Variants in OXCT1 observed in about 807,000 individuals in gnomAD.
OXCT1 encodes the protein 3-oxoacid CoA-transferase 1, also known as succinyl-CoA:3-ketoacid coenzyme A transferase 1, mitochondrial.
In OXCT1, 27 loss-of-function variants were observed where a neutral mutation model predicts 69.6. The observed-to-expected ratio is 0.39, with a 90% CI of 0.29 to 0.54. OXCT1 has a LOEUF of 0.54. Ranked by LOEUF, OXCT1 falls within the 20% of genes least tolerant of loss-of-function variation. The probability of loss-of-function intolerance (pLI) is 0.72; values close to 1 mark genes in which losing one functional copy is unlikely to be tolerated. For synonymous variants in OXCT1, 202 were observed against 217.8 expected, an observed-to-expected ratio of 0.93 and a Z score of 0.64; for missense variants, 437 against 650.2, an observed-to-expected ratio of 0.67 and a Z score of 3.57.
intron 7 of OXCT1, among the ~76,000 whole-genome samples, chr5:41,835,549 T>A (rs1748314322): frequency 6.6e-6 from 1 of 152,228 alleles, no homozygotes; most frequent in Non-Finnish European, 1.5e-5. Context: ...CAGGCTACAA[T>A]AAATATTTGT....
intron 13 of OXCT1, among the ~76,000 whole-genome samples, chr5:41,791,629 A>G (rs1745920448): frequency 6.6e-6 from 1 of 152,168 alleles, no homozygotes; most frequent in African/African-American, 2.4e-5. Context: ...CCCCGAAGGG[A>G]AGAAGATATT....
intron 6 of OXCT1, among the ~76,000 whole-genome samples, chr5:41,842,236 C>T (rs1748659656): frequency 6.6e-6 from 1 of 152,088 alleles, no homozygotes; most frequent in South Asian, 2.1e-4. Context: ...CTAGAAGACA[C>T]CAAAAGGACT....
At chr5:41,820,265 C>A (rs72746957) in intron 7 of OXCT1, among the ~76,000 whole-genome samples, 27,921 of 152,118 alleles carry the variant, frequency 0.18, 2,764 homozygotes, top group Middle Eastern at 0.28. Flanking sequence ...TAAAGTATAA[C>A]ATCCATGTTG....
intron 7 of OXCT1, among the ~76,000 whole-genome samples, chr5:41,826,094 C>T (rs1273209706): frequency 6.6e-6 from 1 of 152,162 alleles, no homozygotes; most frequent in Non-Finnish European, 1.5e-5. Flanking sequence ...GAACCTTGCT[C>T]TCGTGAAGGT....
At chr5:41,846,224 G>A (rs1748898051) in intron 5 of OXCT1, among the ~76,000 whole-genome samples, 1 of 150,210 alleles carries the variant, frequency 6.7e-6, no homozygotes, top group African/African-American at 2.5e-5. Context: ...CTGGTGTGCT[G>A]CACCCACTAA....
chr5:41,733,339 T>A (rs186844759), intron 16 of OXCT1, among the ~76,000 whole-genome samples: 34 of 151,520 alleles, frequency 2.2e-4, no homozygotes, highest in African/African-American at 8.2e-4. Context: ...CTCCGCCTCC[T>A]GGGTTCAAGC....
intron 15 of OXCT1, among the ~76,000 whole-genome samples, chr5:41,747,463 A>G (rs1284528650): frequency 2.0e-5 from 3 of 152,130 alleles, no homozygotes; most frequent in African/African-American, 7.2e-5. Context: ...TAGATAAACA[A>G]TGGTGAGCCA....
At chr5:41,756,548 A>G (rs1396890418) in intron 14 of OXCT1, among the ~76,000 whole-genome samples, 1 of 152,144 alleles carries the variant, frequency 6.6e-6, no homozygotes, top group Non-Finnish European at 1.5e-5. Context: ...GCATGTAACA[A>G]CTTGGAAAAG....
chr5:41,861,261 T>G, intron 3 of OXCT1, 53 bp downstream of exon 3: 1 of 1,080,924 alleles, frequency 9.3e-7, no homozygotes, highest in Non-Finnish European at 1.4e-6. Context: ...TCTGTTTAAA[T>G]ATTAAGAATT....
At chr5:41,752,205 T>G (rs938589182) in intron 14 of OXCT1, among the ~76,000 whole-genome samples, 1 of 152,150 alleles carries the variant, frequency 6.6e-6, no homozygotes, top group Non-Finnish European at 1.5e-5. Flanking sequence ...GTCTTAGTTC[T>G]GCCATACAAT....
intron 4 of OXCT1, among the ~76,000 whole-genome samples, chr5:41,852,516 G>A (rs946385775): frequency 1.3e-5 from 2 of 152,226 alleles, no homozygotes; most frequent in Non-Finnish European, 2.9e-5. Flanking sequence ...AGAGCAAACT[G>A]TAGACCCTCA....
chr5:41,736,116 C>T (rs1197725675), intron 16 of OXCT1, among the ~76,000 whole-genome samples: 2 of 152,326 alleles, frequency 1.3e-5, no homozygotes, highest in African/African-American at 4.8e-5. Flanking sequence ...ATTCAGCACT[C>T]AATCCCCAAG....
At chr5:41,860,439 G>A (rs930601052) in intron 3 of OXCT1, among the ~76,000 whole-genome samples, 10 of 152,134 alleles carry the variant, frequency 6.6e-5, no homozygotes, top group African/African-American at 2.4e-4. Context: ...AGGATACTTT[G>A]AGGATATACA....
intron 13 of OXCT1, among the ~76,000 whole-genome samples, chr5:41,770,066 C>A (rs552200127): frequency 6.6e-6 from 1 of 152,354 alleles, no homozygotes; most frequent in East Asian, 1.9e-4. Flanking sequence ...AGCCCTTGCT[C>A]ATTAGACTAT....
chr5:41,782,114 C>CTTT (rs71608624), intron 13 of OXCT1, among the ~76,000 whole-genome samples: 13 of 137,132 alleles, frequency 9.5e-5, no homozygotes, highest in African/African-American at 1.4e-4. Flanking sequence ...TTGCCAGCAT[C>CTTT]TTTTTTTTTT....
intron 14 of OXCT1, among the ~76,000 whole-genome samples, chr5:41,750,090 T>C (rs1015360448): frequency 6.7e-6 from 1 of 149,990 alleles, no homozygotes; most frequent in Admixed American, 6.6e-5. Context: ...CCTTCCCCAC[T>C]CTTAGACTTG....
intron 1 of OXCT1, among the ~76,000 whole-genome samples, chr5:41,866,140 G>A (rs573246998): frequency 6.6e-6 from 1 of 150,626 alleles, no homozygotes; most frequent in South Asian, 2.1e-4. Flanking sequence ...GGGGTTGTTA[G>A]CTTCCTTTGG....
chr5:41,757,736 G>A lies in OXCT1; in HGVS notation c.1338+4375C>T, dbSNP rs143975891. Among the ~76,000 whole-genome samples the A allele has an allele frequency of 3.5e-3, 536 of 152,160 alleles. 4 individuals carry two copies. Among genetic ancestry groups the A allele is most frequent in the Non-Finnish European group, 5.3e-3 (359 of 67,988 alleles). ...GCTCATTCATCTATGATTTTACAGAGGTAGGAATAAGCCAGATAAAGAGGG... is the reference window on the plus strand; with the variant it reads ...GCTCATTCATCTATGATTTTACAGAAGTAGGAATAAGCCAGATAAAGAGGG... On this transcript the variant is annotated intron_variant, in intron 14 of 16. Transcript: ENST00000196371.
At chr5:41,789,309 A>T (rs779221114) in intron 13 of OXCT1, among the ~76,000 whole-genome samples, 1 of 152,212 alleles carries the variant, frequency 6.6e-6, no homozygotes, top group African/African-American at 2.4e-5. Flanking sequence ...AGTGGGCCAG[A>T]TTTGGTACAT....
Sources: allele counts gnomAD v4.1 joint callset (sites outside exome capture counted in the v4.1 genomes callset), GRCh38; gene constraint gnomAD v4.1.1; transcripts MANE v1.5; gene names NCBI Gene and HGNC (gene_info 2026-07-23, HGNC 2026-07-21).